Variants in GNAS observed in about 807,000 individuals in gnomAD.
The protein encoded by GNAS is GNAS complex locus, also known as protein ALEX.
A neutral mutation model predicts 54.5 loss-of-function variants in GNAS; 8 were observed. The ratio of observed to expected loss-of-function variants is 0.15; its 90% confidence interval spans 0.09 to 0.26. GNAS has a LOEUF of 0.26. Ranked by LOEUF, GNAS falls within the 10% of genes least tolerant of loss-of-function variation. The probability of loss-of-function intolerance (pLI) is 1.00; values close to 1 mark genes in which losing one functional copy is unlikely to be tolerated. For missense variants in GNAS, 170 were observed against 529.8 expected, an observed-to-expected ratio of 0.32 and a Z score of 6.67; for synonymous variants, 204 against 191.4, an observed-to-expected ratio of 1.07 and a Z score of -0.54.
chr20:58,910,715 C>T lies in GNAS; in HGVS notation c.1071C>T (p.His357=). 6.2e-7 allele frequency: 1 copy of T among 1,614,156 alleles called. No individual in the cohort carries two copies. The highest frequency in any genetic ancestry group is 8.5e-7 in the Non-Finnish European group (1 of 1,179,992). ...GCACTGCCAGTGGAGATGGGCGTCA[C>T]TACTGCTACCCTCATTTCACCTGCG... is the stretch of plus-strand genomic sequence containing the variant. ...RISTASGDGR[H]YCYPHFTCAV... is the part of the protein sequence containing the mutation. Residue 357 remains histidine (H), a synonymous_variant, in exon 13 of 13, where the codon CAC becomes CAT. Transcript: ENST00000371085. This position sits in a 1 kb window ranked among gnomAD's most constrained non-coding sequence, Gnocchi z 5.8.
upstream of GNAS, chr20:58,840,828 C>G (rs1380164763): frequency 1.2e-6 from 2 of 1,612,906 alleles, no homozygotes. This position sits in a 1 kb window ranked among gnomAD's most constrained non-coding sequence, Gnocchi z 6.0. Flanking sequence ...GGACCCATCC[C>G]CATCCGGCGT....
rs1294434586 is a variant in GNAS, at chr20:58,910,869, T to C, written c.*40T>C. On this transcript the variant is annotated 3_prime_UTR_variant, in exon 13 of 13. Coordinates refer to ENST00000371085, the MANE Select transcript of GNAS (RefSeq NM_000516.7). The surrounding 1 kb of genome is among the most constrained non-coding windows in gnomAD (Gnocchi z 5.8). Reference sequence around the variant, plus strand: ...AATTTAATTAAAGCCTTAAGCACAATTAATTAAAAGTGAAACGTAATTGTA... The same window carrying C: ...AATTTAATTAAAGCCTTAAGCACAACTAATTAAAAGTGAAACGTAATTGTA... 2 of 1,593,494 alleles carry C rather than the reference T, an allele frequency of 1.3e-6. No homozygotes were observed. The highest frequency in any genetic ancestry group is 2.2e-5 in the South Asian group (2 of 90,684).
At chr20:58,888,152 TAAG>T (rs1384338801), upstream of GNAS, among the ~76,000 whole-genome samples, 1 of 152,206 alleles carries the variant, frequency 6.6e-6, no homozygotes, top group East Asian at 1.9e-4. Flanking sequence ...TGGGCTCTGT[TAAG>T]AAGTCAAAGA....
At chr20:58,890,873 C>T (rs1450286038), upstream of GNAS, 1 of 152,320 alleles carries the variant, frequency 6.6e-6, no homozygotes, top group Admixed American at 6.5e-5. Context: ...GCTCGCCTCG[C>T]TTTTTCCACA....
At chr20:58,889,255 G>A, upstream of GNAS, 1 of 1,075,562 alleles carries the variant, frequency 9.3e-7, no homozygotes, top group East Asian at 1.0e-4. Context: ...CTGGCTCCGG[G>A]CTGCGGCGCG....
chr20:58,851,286 G>A (rs1179465571), intron 1 of GNAS, among the ~76,000 whole-genome samples: 1 of 152,152 alleles, frequency 6.6e-6, no homozygotes, highest in African/African-American at 2.4e-5. Flanking sequence ...TGGTACCCTG[G>A]CTCTAAGAGG....
rs969101620 is a variant in GNAS, at chr20:58,893,304, T to C, written c.139+1439T>C. Among the ~76,000 whole-genome samples, 69 of 152,030 alleles carry C rather than the reference T, an allele frequency of 4.5e-4. 2 individuals are homozygous for C. The highest frequency in any genetic ancestry group is 1.2e-4 in the Non-Finnish European group (8 of 68,010). The stretch of plus-strand genomic sequence containing the variant: ...CTATAAGGAGATGGCCTTTCCTCCT[T>C]TTTTTTCTTAAGGTGCTGTTTTGGG... On this transcript the variant is annotated intron_variant, in intron 1 of 12. Coordinates refer to ENST00000371085, the MANE Select transcript of GNAS (RefSeq NM_000516.7).
At chr20:58,906,988 C>T (rs968194284) in intron 6 of GNAS, among the ~76,000 whole-genome samples, 18 of 152,054 alleles carry the variant, frequency 1.2e-4, no homozygotes, top group Admixed American at 6.6e-4. Context: ...AGCTGAAACT[C>T]GGAACTGATT....
At chr20:58,898,882 G>T (rs947731590) in intron 2 of GNAS, 59 bp from the exon 3 acceptor site, 2 of 1,390,042 alleles carry the variant, frequency 1.4e-6, no homozygotes, top group African/African-American at 2.8e-5. Context: ...ACTGTGTGGG[G>T]TTTGTGTGAC....
chr20:58,852,476 C>T (rs2086219076), intron 1 of GNAS, among the ~76,000 whole-genome samples: 1 of 152,202 alleles, frequency 6.6e-6, no homozygotes, highest in African/African-American at 2.4e-5. Flanking sequence ...AAAAGCCTTG[C>T]GCTCCGGACT....
upstream of GNAS, chr20:58,840,535 C>CCGAGCCTGAA (rs781445157): frequency 6.2e-7 from 1 of 1,613,550 alleles, no homozygotes; most frequent in Non-Finnish European, 8.5e-7. This position sits in a 1 kb window ranked among gnomAD's most constrained non-coding sequence, Gnocchi z 6.0. Flanking sequence ...AGCCTGAAGA[C>CCGAGCCTGAA]GATCGCGGCC....
chr20:58,855,438 G>T, intron 1 of GNAS: 1 of 1,036,342 alleles, frequency 9.6e-7, no homozygotes, highest in South Asian at 1.4e-5. Flanking sequence ...GGGAGGAGGG[G>T]GTCCAGCCAA....
chr20:58,907,147 C>A (rs1021753850), intron 6 of GNAS, among the ~76,000 whole-genome samples: 1 of 152,176 alleles, frequency 6.6e-6, no homozygotes, highest in African/African-American at 2.4e-5. Flanking sequence ...TAATACTGTT[C>A]ATCTATAAAT....
At chr20:58,890,229 CAGG>C (rs1234708896), upstream of GNAS, among the ~76,000 whole-genome samples, 1 of 151,306 alleles carries the variant, frequency 6.6e-6, no homozygotes, top group African/African-American at 2.4e-5. Context: ...GCCAGAAGCC[CAGG>C]AGGAGGCCCG....
intron 1 of GNAS, among the ~76,000 whole-genome samples, chr20:58,868,984 ATCC>A (rs948368754): frequency 6.6e-6 from 1 of 152,114 alleles, no homozygotes; most frequent in Non-Finnish European, 1.5e-5. Flanking sequence ...CCCTCCCTAA[ATCC>A]TCCTTCCCAA....
At chr20:58,898,522 C>T (rs769861283) in intron 2 of GNAS, 25 of 200,996 alleles carry the variant, frequency 1.2e-4, no homozygotes, top group Admixed American at 4.7e-4. Context: ...TGCCTTTATG[C>T]CTTAAGTTAC....
rs747849457 is a variant in GNAS, at chr20:58,854,023, G to T, written c.43+13137G>T. ...GTTATCGCACAAGTCGACGGCAGCA[G>T]CCAGTTCGCGGCAGTCGCGGCCTCG... On this transcript the variant is annotated intron_variant, in intron 1 of 12. Transcript: ENST00000306090. The T allele has an allele frequency of 2.5e-6, 4 of 1,611,718 alleles. No homozygotes were observed. The East Asian group carries it at 8.9e-5, about 36-fold the overall frequency.
chr20:58,862,251 G>A (rs568127910), intron 1 of GNAS, among the ~76,000 whole-genome samples: 20 of 152,012 alleles, frequency 1.3e-4, no homozygotes, highest in African/African-American at 2.9e-4. Flanking sequence ...TCTGCCTCCC[G>A]GGTTCAAGTG....
In GNAS at chr20:58,910,320, C is replaced by T. The variant is rs765256611; in HGVS notation, c.971-14C>T. 1 of 1,585,642 alleles carries T rather than the reference C, an allele frequency of 6.3e-7. No homozygotes were observed. ...ATTTTAAATTACATTAATATGTATTCCCTTTTTATATAGCTACTCCCGAGC... is the reference window on the plus strand; with the variant it reads ...ATTTTAAATTACATTAATATGTATTTCCTTTTTATATAGCTACTCCCGAGC... On this transcript the variant is annotated splice_polypyrimidine_tract_variant and intron_variant, in intron 11 of 12. Coordinates refer to ENST00000371085, the MANE Select transcript of GNAS (RefSeq NM_000516.7). This position sits in a 1 kb window ranked among gnomAD's most constrained non-coding sequence, Gnocchi z 5.8.
Sources: gnomAD v4.1 joint callset for allele counts (sites outside exome capture counted in the v4.1 genomes callset) on GRCh38, gnomAD v4.1.1 for gene constraint, Gnocchi (gnomAD v3.1) non-coding constraint, MANE v1.5 for transcripts, NCBI Gene and HGNC (gene_info 2026-07-23, HGNC 2026-07-21) for gene names.